The following MYOCD variants were observed in gnomAD, a reference collection of about 807,000 sequenced individuals.
MYOCD encodes myocardin.
Under a neutral mutation model 96.1 loss-of-function variants are expected in MYOCD, and 32 were observed. That is an observed-to-expected ratio of 0.33 (90% CI 0.25 to 0.45). The LOEUF (loss-of-function observed/expected upper bound fraction) is 0.45. Ranked by LOEUF, MYOCD falls within the 20% of genes least tolerant of loss-of-function variation. The pLI, the probability that MYOCD is intolerant of heterozygous loss-of-function variation, is 1.00. For missense variants in MYOCD, 1,133 were observed against 1,200.6 expected, an observed-to-expected ratio of 0.94 and a Z score of 0.83; for synonymous variants, 469 against 469.0, an observed-to-expected ratio of 1.00 and a Z score of 0.00.
intron 2 of MYOCD, among the ~76,000 whole-genome samples, chr17:12,708,401 T>TC (rs2150676895): frequency 6.6e-6 from 1 of 152,022 alleles, no homozygotes; most frequent in Admixed American, 6.5e-5. Flanking sequence ...AGAAATACTT[T>TC]TTTTTTTTTT....
intron 1 of MYOCD, among the ~76,000 whole-genome samples, chr17:12,674,951 C>G (rs981124875): frequency 3.9e-5 from 6 of 152,098 alleles, no homozygotes; most frequent in African/African-American, 1.4e-4. Flanking sequence ...GTCACTTAAA[C>G]ACTTTAAAAC....
At chr17:12,730,086 G>A (rs906443382) in intron 5 of MYOCD, among the ~76,000 whole-genome samples, 2 of 151,986 alleles carry the variant, frequency 1.3e-5, no homozygotes, top group Non-Finnish European at 2.9e-5. Context: ...GTTTGAGGCT[G>A]CAGTAAGCTA....
chr17:12,761,809 G>C (rs1217990818), intron 13 of MYOCD: 1 of 152,510 alleles, frequency 6.6e-6, no homozygotes, highest in Non-Finnish European at 1.5e-5. Flanking sequence ...ATGTTTAGTA[G>C]AGACGGGGTT....
chr17:12,713,561 G>A (rs977019592), intron 2 of MYOCD, among the ~76,000 whole-genome samples: 8 of 152,162 alleles, frequency 5.3e-5, no homozygotes, highest in African/African-American at 1.7e-4. Context: ...TCTGGGTTAT[G>A]TAAGTAATTA....
intron 5 of MYOCD, among the ~76,000 whole-genome samples, chr17:12,727,406 A>G (rs953039019): frequency 1.3e-5 from 2 of 152,168 alleles, no homozygotes; most frequent in East Asian, 3.9e-4. Flanking sequence ...GCATTTAGAG[A>G]CAGCTATAGA....
At chr17:12,675,170 A>G (rs1262409224) in intron 1 of MYOCD, among the ~76,000 whole-genome samples, 1 of 152,216 alleles carries the variant, frequency 6.6e-6, no homozygotes, top group African/African-American at 2.4e-5. Context: ...AAGAAAATGC[A>G]AAGTGAAAGA....
rs183686664 is a variant in MYOCD, at chr17:12,715,669, A to T, written c.177+95A>T. ...TGGATGCGTGTAGAATTCCTACAAC[A>T]AACACAATCAATTTGCCAGTCCCCT... On this transcript the variant is annotated intron_variant, in intron 3 of 13. Transcript: ENST00000425538. The T allele has an allele frequency of 5.8e-5, 55 of 943,790 alleles. No individual in the cohort carries two copies. In the East Asian group the frequency reaches 1.4e-3, roughly 24 times the overall value. 58.5% of individuals were successfully genotyped at this position (943,790 alleles called of 1,614,324 possible). A position where few individuals can be genotyped will look rare whatever the true frequency, so the allele number is the denominator to read the frequency against.
chr17:12,696,048 TTTGTTGTTGTTG>T (rs368329219), intron 1 of MYOCD, among the ~76,000 whole-genome samples: 80 of 151,944 alleles, frequency 5.3e-4, no homozygotes, highest in African/African-American at 1.7e-3. Flanking sequence ...ATAATATTCC[TTTGTTGTTGTTG>T]TTGTTGTTGT....
chr17:12,765,667 T>C lies in MYOCD; in HGVS notation c.*2023T>C, dbSNP rs2033319499. ...CCCTTAATCTGCTGTGAATGATACCTGGCCTTTCTCACTATGAATTTCTGA... is the reference window on the plus strand; with the variant it reads ...CCCTTAATCTGCTGTGAATGATACCCGGCCTTTCTCACTATGAATTTCTGA... On this transcript the variant is annotated 3_prime_UTR_variant, in exon 14 of 14. Coordinates refer to ENST00000425538, the MANE Select transcript of MYOCD (RefSeq NM_001146312.3). 6.6e-6 allele frequency: 1 copy of C among 152,226 alleles called. No homozygotes were observed. Among genetic ancestry groups the C allele is most frequent in the Non-Finnish European group, 1.5e-5 (1 of 68,046 alleles). 9.4% of individuals were successfully genotyped at this position (152,226 alleles called of 1,614,324 possible).
At chr17:12,669,345 TTC>T (rs1156283573) in intron 1 of MYOCD, among the ~76,000 whole-genome samples, 1 of 151,882 alleles carries the variant, frequency 6.6e-6, no homozygotes. Flanking sequence ...TTTCTTTTGC[TTC>T]TCTCTCTCTC....
chr17:12,733,691 A>C (rs1481245109), intron 5 of MYOCD, among the ~76,000 whole-genome samples: 2 of 152,084 alleles, frequency 1.3e-5, no homozygotes, highest in African/African-American at 4.8e-5. Context: ...AACATGGTGA[A>C]ACCCTGTCTC....
intron 5 of MYOCD, among the ~76,000 whole-genome samples, chr17:12,726,845 A>C (rs1037008511): frequency 1.3e-5 from 2 of 152,226 alleles, no homozygotes; most frequent in African/African-American, 4.8e-5. Context: ...AAACCAAGGA[A>C]ATTAAGAAAC....
chr17:12,732,847 T>G (rs112298751), intron 5 of MYOCD, among the ~76,000 whole-genome samples: 81 of 152,306 alleles, frequency 5.3e-4, no homozygotes, highest in African/African-American at 1.8e-3. Flanking sequence ...GCAACAATCT[T>G]TCCACCCCTT....
intron 1 of MYOCD, among the ~76,000 whole-genome samples, chr17:12,678,672 AT>A (rs1174161678): frequency 2.0e-5 from 3 of 151,776 alleles, no homozygotes; most frequent in Non-Finnish European, 2.9e-5. Flanking sequence ...TAATATTTTT[AT>A]TTTTTTGTTT....
chr17:12,738,792 A>G (rs2032420501), intron 6 of MYOCD, among the ~76,000 whole-genome samples: 1 of 151,994 alleles, frequency 6.6e-6, no homozygotes, highest in South Asian at 2.1e-4. Flanking sequence ...CATTATCAAG[A>G]CAGGTGGACC....
intron 13 of MYOCD, chr17:12,761,911 C>T (rs1374191103): frequency 1.3e-5 from 2 of 152,456 alleles, no homozygotes; most frequent in East Asian, 3.9e-4. Context: ...GCGTGAGCCA[C>T]CACGCCCAGC....
At chr17:12,744,556 A>G (rs1365926905) in intron 8 of MYOCD, 120 bp downstream of exon 8, 2 of 1,356,814 alleles carry the variant, frequency 1.5e-6, no homozygotes, top group Middle Eastern at 2.5e-4. Flanking sequence ...TTCCTCATCC[A>G]GTATGTTTGG....
chr17:12,746,727 C>CT (rs3050321), intron 9 of MYOCD, among the ~76,000 whole-genome samples: 1,713 of 114,874 alleles, frequency 0.015, 79 homozygotes, highest in African/African-American at 0.038. Context: ...TGGTGCCTAC[C>CT]TTTTTTTTTT....
At chr17:12,685,471 T>C (rs1261360721) in intron 1 of MYOCD, among the ~76,000 whole-genome samples, 4 of 152,004 alleles carry the variant, frequency 2.6e-5, no homozygotes, top group Non-Finnish European at 4.4e-5. Context: ...CCGGGTGTGG[T>C]GGTGCATGCC....
Sources: gnomAD v4.1 joint callset for allele counts (sites outside exome capture counted in the v4.1 genomes callset) on GRCh38, gnomAD v4.1.1 for gene constraint, MANE v1.5 for transcripts, NCBI Gene and HGNC (gene_info 2026-07-23, HGNC 2026-07-21) for gene names.